The following CARS2 variants were observed in gnomAD, a reference collection of about 807,000 sequenced individuals.
CARS2 encodes the protein probable cysteine--tRNA ligase, mitochondrial.
CARS2 carries 52 observed loss-of-function variants against 68.8 expected under a neutral mutation model. That is an observed-to-expected ratio of 0.76 (90% CI 0.61 to 0.95). CARS2 has a LOEUF of 0.95. CARS2 is among the 40% of genes least tolerant of loss of function. The probability of loss-of-function intolerance (pLI) is 0.00; values close to 1 mark genes in which losing one functional copy is unlikely to be tolerated. For missense variants in CARS2, 780 were observed against 754.2 expected (o/e 1.03, Z -0.40); for synonymous variants, 314 against 303.6 (o/e 1.03, Z -0.36).
chr13:110,712,531 G>GGGGA (rs1555306520), intron 1 of CARS2: 4 of 163,886 alleles, frequency 2.4e-5, no homozygotes, highest in Non-Finnish European at 3.3e-5. Flanking sequence ...TTGGCCGGAA[G>GGGGA]GGGGGGGGCC....
At chr13:110,671,385 C>G (rs1320190433) in intron 7 of CARS2, among the ~76,000 whole-genome samples, 1 of 152,116 alleles carries the variant, frequency 6.6e-6, no homozygotes, top group Non-Finnish European at 1.5e-5. Context: ...CCTCTATAAG[C>G]CAGAAGAGAG....
intron 7 of CARS2, among the ~76,000 whole-genome samples, chr13:110,672,502 G>A (rs573192457): frequency 3.0e-4 from 46 of 152,330 alleles, no homozygotes; most frequent in East Asian, 1.3e-3. Flanking sequence ...CAGTAAAGAC[G>A]TTCTTTGAAA....
chr13:110,677,318 TCAGA>T (rs1566705694), intron 6 of CARS2, among the ~76,000 whole-genome samples: 2 of 26,634 alleles, frequency 7.5e-5, no homozygotes, highest in Non-Finnish European at 2.1e-4. Context: ...ACATGGAAAC[TCAGA>T]CAGTCACCCC....
intron 13 of CARS2, 86 bp from the exon 14 acceptor site, chr13:110,642,607 G>A (rs535459837): frequency 7.6e-5 from 98 of 1,297,420 alleles, no homozygotes; most frequent in East Asian, 1.6e-4. Flanking sequence ...GCTCTGGGCC[G>A]ACACCCACCC....
At chr13:110,709,311 C>G (rs1424118501), upstream of CARS2, among the ~76,000 whole-genome samples, 2 of 151,904 alleles carry the variant, frequency 1.3e-5, no homozygotes, top group African/African-American at 4.8e-5. Flanking sequence ...TCAGGCTGGT[C>G]TTGAACTCCC....
Position 110,676,432 on chromosome 13 carries a change from G to T in CARS2, c.785+542C>A, listed in dbSNP as rs1301988384. ...GAGAGCAGTGTCGTGTGACTGAGTGGGGGCGGCAGGCAGCTGCGGTCCCAG... is the reference window on the plus strand; with the variant it reads ...GAGAGCAGTGTCGTGTGACTGAGTGTGGGCGGCAGGCAGCTGCGGTCCCAG... On this transcript the variant is annotated intron_variant, in intron 7 of 14. Coordinates refer to ENST00000257347, the MANE Select transcript of CARS2 (RefSeq NM_024537.4). The surrounding 1 kb of genome is among the most constrained non-coding windows in gnomAD (Gnocchi z 4.0). Among the ~76,000 whole-genome samples, 1 of 152,184 alleles carries T rather than the reference G, an allele frequency of 6.6e-6. No homozygotes were observed. Among genetic ancestry groups the T allele is most frequent in the African/African-American group, 2.4e-5 (1 of 41,444 alleles).
rs1046285406 is a variant in CARS2, at chr13:110,664,504, G to A, written c.920-986C>T. ...TGCACTCCAGCCTGGGCCACAGAGCGAGACTCTGCCTCAAAAATAAATAAA... is the reference window on the plus strand; with the variant it reads ...TGCACTCCAGCCTGGGCCACAGAGCAAGACTCTGCCTCAAAAATAAATAAA... On this transcript the variant is annotated intron_variant, in intron 8 of 14. Coordinates refer to ENST00000257347, the MANE Select transcript of CARS2 (RefSeq NM_024537.4). 4.8e-5 allele frequency: 36 copies of A among 742,292 alleles called. No individual in the cohort carries two copies. In the South Asian group the frequency reaches 4.9e-4, roughly 10 times the overall value. The allele number at this position is 742,292 out of a possible 1,614,324, so 46.0% of individuals were successfully genotyped here.
intron 3 of CARS2, among the ~76,000 whole-genome samples, chr13:110,694,959 T>C (rs1281656152): frequency 6.6e-6 from 1 of 152,148 alleles, no homozygotes; most frequent in Non-Finnish European, 1.5e-5. Context: ...GTTCTGCATC[T>C]GTGGGTTCAA....
At chr13:110,686,022 AAAAG>A (rs1421211663) in intron 5 of CARS2, among the ~76,000 whole-genome samples, 2 of 152,046 alleles carry the variant, frequency 1.3e-5, no homozygotes, top group South Asian at 2.1e-4. Flanking sequence ...AAAAAAGAAA[AAAAG>A]AAAGAGGAGG....
chr13:110,700,953 C>G (rs1289465529), intron 3 of CARS2, among the ~76,000 whole-genome samples: 5 of 152,196 alleles, frequency 3.3e-5, no homozygotes, highest in Non-Finnish European at 7.3e-5. Context: ...TACTAGGGCA[C>G]CAAAGAAACC....
At position 110,700,884 on chromosome 13, in the gene CARS2, C is replaced by T. The variant is rs539948809; in HGVS notation, c.393+554G>A. Reference sequence around the variant, plus strand: ...AGGAGACGACCACAGAAGGAGGTAACGACACGAGGCCACAGAAAAGCCTTC... The same window carrying T: ...AGGAGACGACCACAGAAGGAGGTAATGACACGAGGCCACAGAAAAGCCTTC... On this transcript the variant is annotated intron_variant, in intron 3 of 14. Transcript: ENST00000257347. 3.3e-4 allele frequency among the ~76,000 whole-genome samples: 50 copies of T among 152,188 alleles called. 2 individuals are homozygous for T. Among genetic ancestry groups the T allele is most frequent in the African/African-American group, 1.1e-3 (44 of 41,522 alleles).
At chr13:110,649,482 C>T (rs2062143097) in intron 10 of CARS2, among the ~76,000 whole-genome samples, 1 of 152,140 alleles carries the variant, frequency 6.6e-6, no homozygotes, top group African/African-American at 2.4e-5. Flanking sequence ...GGGACCAGCC[C>T]AGGGGCTCAC....
At chr13:110,691,987 GAAA>G (rs36121848) in intron 3 of CARS2, among the ~76,000 whole-genome samples, 41 of 76,870 alleles carry the variant, frequency 5.3e-4, no homozygotes, top group African/African-American at 1.9e-3. Flanking sequence ...AAGCTGTGCA[GAAA>G]AAAAAAAAAA....
Position 110,647,104 on chromosome 13 carries a change from TC to T in CARS2, c.1189del (p.Glu397ArgfsTer10). The T allele has an allele frequency of 3.2e-6, 5 of 1,583,198 alleles. No individual in the cohort carries two copies. Among genetic ancestry groups the T allele is most frequent in the Non-Finnish European group, 4.3e-6 (5 of 1,165,222 alleles). ...CGSVREAMLW[E>X]RLSSTKRAVK... is the part of the protein sequence containing the mutation. The stretch of plus-strand genomic sequence containing the variant: ...GGGTGCTAGGCGGGCCTCTTACCTC[TC>T]CCACAGCATCGCTTCCCTGACGGAG... On this transcript the variant is annotated frameshift_variant, in exon 11 of 15. Transcript: ENST00000257347. LOFTEE classifies it high-confidence loss of function.
chr13:110,645,585 T>TC, intron 12 of CARS2: 1 of 160,864 alleles, frequency 6.2e-6, no homozygotes. Flanking sequence ...CACACTGGGG[T>TC]GCAGATTGCA....
chr13:110,664,456 A>C (rs777655248), intron 8 of CARS2: 128 of 373,030 alleles, frequency 3.4e-4, no homozygotes, highest in Non-Finnish European at 4.7e-4. Context: ...GGTTGGGCCT[A>C]GAGTGAGCTA....
intron 4 of CARS2, 34 bp downstream of exon 4, chr13:110,687,913 C>G (rs1198958131): frequency 1.9e-5 from 30 of 1,584,866 alleles, no homozygotes; most frequent in Non-Finnish European, 2.5e-5. Flanking sequence ...CGCCTGTCAC[C>G]CTCATGGCAG....
intron 5 of CARS2, 100 bp from the exon 6 acceptor site, chr13:110,683,234 A>C: frequency 1.4e-6 from 1 of 738,892 alleles, no homozygotes; most frequent in Non-Finnish European, 2.1e-6. Context: ...TAAATACAGA[A>C]CATAGCATTT....
At chr13:110,680,370 G>A (rs1162310482) in intron 6 of CARS2, among the ~76,000 whole-genome samples, 3 of 152,230 alleles carry the variant, frequency 2.0e-5, no homozygotes, top group Non-Finnish European at 2.9e-5. Flanking sequence ...TCCAGCCTGG[G>A]CAAAAGAGTG....
Sources: allele counts gnomAD v4.1 joint callset (sites outside exome capture counted in the v4.1 genomes callset), GRCh38; gene constraint gnomAD v4.1.1; non-coding constraint Gnocchi (gnomAD v3.1); transcripts MANE v1.5; gene names NCBI Gene and HGNC (gene_info 2026-07-23, HGNC 2026-07-21).